Variants in MGAT4C observed in about 807,000 individuals in gnomAD.
MGAT4C encodes MGAT4 family member C, also known as alpha-1,3-mannosyl-glycoprotein 4-beta-N-acetylglucosaminyltransferase C.
In MGAT4C, 19 loss-of-function variants were observed where a neutral mutation model predicts 40.1. That is an observed-to-expected ratio of 0.47 (90% confidence interval 0.33 to 0.70). The LOEUF (loss-of-function observed/expected upper bound fraction) is 0.70, where lower values mean the gene tolerates loss of function less well. Among genes scored for constraint, MGAT4C ranks in the 30% least tolerant of loss-of-function variants. The pLI is 0.02. For synonymous variants in MGAT4C, 181 were observed against 187.1 expected (o/e 0.97, Z 0.27); for missense variants, 491 against 563.2 (o/e 0.87, Z 1.30).
chr12:86,538,329 G>T (rs1417244990), intron 2 of MGAT4C, among the ~76,000 whole-genome samples: 1 of 152,078 alleles, frequency 6.6e-6, no homozygotes, highest in Admixed American at 6.6e-5. Context: ...TCTCAAGTTG[G>T]CAGGGATCCA....
chr12:86,395,024 G>A (rs982574384), intron 3 of MGAT4C, among the ~76,000 whole-genome samples: 32 of 151,784 alleles, frequency 2.1e-4, no homozygotes, highest in Non-Finnish European at 3.7e-4. Flanking sequence ...ATATCTTCTT[G>A]TTAAGAAACT....
chr12:86,517,642 TTG>T (rs1340336044), intron 2 of MGAT4C, among the ~76,000 whole-genome samples: 2 of 151,872 alleles, frequency 1.3e-5, no homozygotes, highest in Non-Finnish European at 2.9e-5. Context: ...GTTTGTTTGT[TTG>T]TTTGTTTGTT....
At chr12:86,794,890 A>G (rs1025276479) in intron 1 of MGAT4C, among the ~76,000 whole-genome samples, 5 of 151,926 alleles carry the variant, frequency 3.3e-5, no homozygotes, top group African/African-American at 9.7e-5. Flanking sequence ...ACAAAAGCCA[A>G]TATCATTGTG....
In MGAT4C at chr12:86,241,921, A is replaced by G. The variant is rs1018851452; in HGVS notation, c.-57+14318T>C. Among the ~76,000 whole-genome samples the G allele has an allele frequency of 2.0e-5, 3 of 152,064 alleles. No homozygotes were observed. In the East Asian group the frequency reaches 5.8e-4, roughly 29 times the overall value. Reference sequence around the variant, plus strand: ...AGCCTTGCCTGAGCCTGCTTTGCCAATCCAGCTCTCAAATCATCTGAGACT... The same window carrying G: ...AGCCTTGCCTGAGCCTGCTTTGCCAGTCCAGCTCTCAAATCATCTGAGACT... On this transcript the variant is annotated intron_variant, in intron 1 of 4. Transcript: ENST00000611864.
intron 1 of MGAT4C, among the ~76,000 whole-genome samples, chr12:86,812,165 T>C (rs1174636182): frequency 2.6e-5 from 4 of 152,306 alleles, no homozygotes; most frequent in South Asian, 2.1e-4. Flanking sequence ...AGGGGACACA[T>C]TCTGTCTGAT....
chr12:86,407,248 T>A (rs186407576), intron 3 of MGAT4C, among the ~76,000 whole-genome samples: 240 of 152,236 alleles, frequency 1.6e-3, no homozygotes, highest in African/African-American at 5.4e-3. Context: ...CATTGTGCTT[T>A]AAAATATGTA....
intron 1 of MGAT4C, among the ~76,000 whole-genome samples, chr12:86,097,466 T>C (rs992716579): frequency 7.9e-5 from 12 of 151,620 alleles, no homozygotes; most frequent in African/African-American, 2.9e-4. Context: ...TTCTGGACAT[T>C]ACTCTTTTCA....
chr12:86,496,449 A>T (rs1166330741), intron 2 of MGAT4C, among the ~76,000 whole-genome samples: 1 of 151,966 alleles, frequency 6.6e-6, no homozygotes, highest in East Asian at 1.9e-4. Flanking sequence ...AAATACTGAG[A>T]TTCACTTTCT....
intron 1 of MGAT4C, among the ~76,000 whole-genome samples, chr12:86,192,914 G>C (rs1277632072): frequency 6.6e-6 from 1 of 152,030 alleles, no homozygotes; most frequent in African/African-American, 2.4e-5. Context: ...AGTTATTGTA[G>C]CATTATGAAA....
At chr12:86,695,259 C>T (rs529694199) in intron 2 of MGAT4C, among the ~76,000 whole-genome samples, 10 of 152,234 alleles carry the variant, frequency 6.6e-5, no homozygotes, top group Non-Finnish European at 1.2e-4. Context: ...GTCCAAAAGA[C>T]AGGCAATAAA....
chr12:86,677,896 CT>C (rs1451240228), intron 2 of MGAT4C, among the ~76,000 whole-genome samples: 1 of 152,066 alleles, frequency 6.6e-6, no homozygotes, highest in Admixed American at 6.6e-5. Context: ...GACTATTGGT[CT>C]TCTTTTTCCT....
intron 2 of MGAT4C, among the ~76,000 whole-genome samples, chr12:86,452,207 T>A (rs1035707667): frequency 4.6e-5 from 7 of 151,814 alleles, no homozygotes; most frequent in African/African-American, 1.7e-4. Flanking sequence ...CTTTTTTTTT[T>A]ATATACTTTT....
intron 1 of MGAT4C, among the ~76,000 whole-genome samples, chr12:86,086,150 T>C (rs992047107): frequency 6.6e-6 from 1 of 152,072 alleles, no homozygotes; most frequent in Non-Finnish European, 1.5e-5. Flanking sequence ...CAAATGCCCA[T>C]CAATGTTAGA....
At chr12:86,164,613 T>C (rs1321105816) in intron 1 of MGAT4C, among the ~76,000 whole-genome samples, 4 of 152,182 alleles carry the variant, frequency 2.6e-5, no homozygotes, top group African/African-American at 9.6e-5. Context: ...TTAGGGATGG[T>C]TTCTCTGAAT....
intron 4 of MGAT4C, among the ~76,000 whole-genome samples, chr12:86,266,786 T>A (rs181714549): frequency 3.2e-3 from 486 of 150,040 alleles, no homozygotes; most frequent in African/African-American, 0.011. Flanking sequence ...GTTGAAAGAT[T>A]TTTTTTTTTA....
At chr12:86,688,296 T>C (rs554694204) in intron 2 of MGAT4C, among the ~76,000 whole-genome samples, 1 of 151,812 alleles carries the variant, frequency 6.6e-6, no homozygotes, top group African/African-American at 2.4e-5. Context: ...TGTCTCTTTA[T>C]CCAATTTGCC....
At chr12:86,552,673 A>G (rs1374835015) in intron 2 of MGAT4C, among the ~76,000 whole-genome samples, 3 of 152,112 alleles carry the variant, frequency 2.0e-5, no homozygotes, top group East Asian at 3.9e-4. Context: ...TTAAAAATAT[A>G]CAATCAATAC....
chr12:86,737,289 T>A (rs1430653162), intron 1 of MGAT4C, among the ~76,000 whole-genome samples: 1 of 151,390 alleles, frequency 6.6e-6, no homozygotes, highest in Non-Finnish European at 1.5e-5. Flanking sequence ...ACTCACCTTT[T>A]TTGGCCTATC....
chr12:86,563,690 G>T (rs1361847319), intron 2 of MGAT4C, among the ~76,000 whole-genome samples: 4 of 152,188 alleles, frequency 2.6e-5, no homozygotes, highest in Non-Finnish European at 4.4e-5. Flanking sequence ...ATAGGGGAAT[G>T]ATCAGACCTT....
Sources: gnomAD v4.1 joint callset for allele counts (sites outside exome capture counted in the v4.1 genomes callset) on GRCh38, gnomAD v4.1.1 for gene constraint, MANE v1.5 for transcripts, NCBI Gene and HGNC (gene_info 2026-07-23, HGNC 2026-07-21) for gene names.